APBA1: variants seen among roughly 807,000 people sequenced by gnomAD.
APBA1 encodes the protein amyloid-beta A4 precursor protein-binding family A member 1.
APBA1 carries 55 observed loss-of-function variants against 86.6 expected under a neutral mutation model. The ratio of observed to expected loss-of-function variants is 0.64; its 90% CI spans 0.51 to 0.80. The LOEUF (loss-of-function observed/expected upper bound fraction) is 0.80, where lower values mean the gene tolerates loss of function less well. APBA1 is among the 30% of genes least tolerant of loss of function. APBA1 has a pLI of 0.00. For missense variants in APBA1, 1,090 were observed against 1,183.0 expected, an observed-to-expected ratio of 0.92 and a Z score of 1.15; for synonymous variants, 511 against 493.9, an observed-to-expected ratio of 1.03 and a Z score of -0.46.
intron 1 of APBA1, among the ~76,000 whole-genome samples, chr9:69,656,225 T>C (rs936398837): frequency 6.6e-6 from 1 of 152,228 alleles, no homozygotes; most frequent in African/African-American, 2.4e-5. Flanking sequence ...GCAATATCTC[T>C]AAAGCTAAAT....
intron 1 of APBA1, among the ~76,000 whole-genome samples, chr9:69,576,329 C>A (rs1410554022): frequency 6.6e-6 from 1 of 152,156 alleles, no homozygotes; most frequent in Non-Finnish European, 1.5e-5. Context: ...ACTAGAAATA[C>A]CATTTGACCC....
chr9:69,653,573 C>T (rs1799138631), intron 1 of APBA1, among the ~76,000 whole-genome samples: 1 of 152,148 alleles, frequency 6.6e-6, no homozygotes, highest in African/African-American at 2.4e-5. Flanking sequence ...CAAAACAAAT[C>T]TTAAATTTAA....
chr9:69,605,267 G>GT (rs933503764), intron 1 of APBA1, among the ~76,000 whole-genome samples: 52 of 150,180 alleles, frequency 3.5e-4, no homozygotes, highest in African/African-American at 1.3e-3. Context: ...CTCCTTTACA[G>GT]TAAAAAAAAA....
intron 1 of APBA1, among the ~76,000 whole-genome samples, chr9:69,545,813 G>T (rs1836688801): frequency 6.6e-6 from 1 of 152,032 alleles, no homozygotes; most frequent in Admixed American, 6.5e-5. Context: ...GACTTTGAAT[G>T]CAAAAAGAAA....
At position 69,516,187 on chromosome 9, in the gene APBA1, TCTC is replaced by T; in HGVS notation, c.1021_1023del (p.Glu341del). The T allele has an allele frequency of 1.2e-6, 2 of 1,607,570 alleles. No homozygotes were observed. Among genetic ancestry groups the T allele is most frequent in the Non-Finnish European group, 1.7e-6 (2 of 1,177,248 alleles). On this transcript the variant is annotated inframe_deletion, in exon 2 of 13. Transcript: ENST00000265381. The surrounding 1 kb of genome is among the most constrained non-coding windows in gnomAD (Gnocchi z 7.3). Reference sequence around the variant, plus strand: ...ATGGCCAGCGAGATGGCATCGCGCTTCTCCTTGCTGTACCGCTGCCCCGCCTCG... The same window carrying T: ...ATGGCCAGCGAGATGGCATCGCGCTTCTTGCTGTACCGCTGCCCCGCCTCG...
intron 1 of APBA1, among the ~76,000 whole-genome samples, chr9:69,553,450 TA>T (rs550169080): frequency 1.3e-5 from 2 of 152,228 alleles, no homozygotes; most frequent in Non-Finnish European, 2.9e-5. Flanking sequence ...TTGAACTTCA[TA>T]AAAATCTAAT....
intron 2 of APBA1, among the ~76,000 whole-genome samples, chr9:69,481,768 C>G (rs562107478): frequency 0.078 from 11,685 of 150,560 alleles, 566 homozygotes; most frequent in Admixed American, 0.13. Context: ...GGTACCAAAA[C>G]AGAGATATAG....
chr9:69,666,961 ATGGGTATGGTAT>A (rs1823852736), intron 1 of APBA1, among the ~76,000 whole-genome samples: 2 of 152,194 alleles, frequency 1.3e-5, no homozygotes, highest in South Asian at 2.1e-4. Context: ...AATGCATATG[ATGGGTATGGTAT>A]TGGGCGAGGT....
chr9:69,573,038 T>C (rs1339024016), intron 1 of APBA1, among the ~76,000 whole-genome samples: 2 of 152,310 alleles, frequency 1.3e-5, no homozygotes, highest in East Asian at 3.9e-4. Flanking sequence ...TGTGCACCTG[T>C]ACTCCCAGCT....
At chr9:69,472,122 T>TGTGG in intron 3 of APBA1, among the ~76,000 whole-genome samples, 1 of 152,346 alleles carries the variant, frequency 6.6e-6, no homozygotes, top group Non-Finnish European at 1.5e-5. Flanking sequence ...TTTGCCACAG[T>TGTGG]GATCTCTCAC....
chr9:69,538,262 T>G lies in APBA1; in HGVS notation c.-69-20983A>C, dbSNP rs183815232. Reference sequence around the variant, plus strand: ...ACTTCAAAATGATTTTAATCTACTGTGCTAATTGCACCTAAAATGCCTGCA... The same window carrying G: ...ACTTCAAAATGATTTTAATCTACTGGGCTAATTGCACCTAAAATGCCTGCA... On this transcript the variant is annotated intron_variant, in intron 1 of 12. Coordinates refer to ENST00000265381, the MANE Select transcript of APBA1 (RefSeq NM_001163.4). Among the ~76,000 whole-genome samples the G allele has an allele frequency of 4.9e-3, 752 of 152,332 alleles. 5 individuals carry two copies. The highest frequency in any genetic ancestry group is 7.9e-3 in the Non-Finnish European group (535 of 68,024).
At position 69,431,410 on chromosome 9, in the gene APBA1, G is replaced by A; in HGVS notation, c.2443-12C>T. ...GTCTTCATATGAATCTGAGGGTAAA[G>A]AACACACTTTAGTGGGGGGCTGAGG... On this transcript the variant is annotated splice_polypyrimidine_tract_variant and intron_variant, in intron 12 of 12. Coordinates refer to ENST00000265381, the MANE Select transcript of APBA1 (RefSeq NM_001163.4). 1 of 1,611,952 alleles carries A rather than the reference G, an allele frequency of 6.2e-7. No individual in the cohort carries two copies. The highest frequency in any genetic ancestry group is 8.5e-7 in the Non-Finnish European group (1 of 1,178,946).
At chr9:69,633,108 CTG>C (rs1371060340) in intron 1 of APBA1, among the ~76,000 whole-genome samples, 2 of 144,490 alleles carry the variant, frequency 1.4e-5, no homozygotes, top group African/African-American at 4.9e-5. Flanking sequence ...CCACCAGTAA[CTG>C]TGTCTTTTAT....
intron 1 of APBA1, among the ~76,000 whole-genome samples, chr9:69,627,319 A>G (rs1171908602): frequency 6.6e-6 from 1 of 152,006 alleles, no homozygotes; most frequent in Non-Finnish European, 1.5e-5. Flanking sequence ...TAGGGTTTTT[A>G]TTTCTCCTTC....
chr9:69,520,753 A>G (rs1836238921), intron 1 of APBA1, among the ~76,000 whole-genome samples: 1 of 151,954 alleles, frequency 6.6e-6, no homozygotes, highest in East Asian at 1.9e-4. Flanking sequence ...CCACTGAATC[A>G]TCTCCTTCCC....
intron 1 of APBA1, among the ~76,000 whole-genome samples, chr9:69,662,011 G>A (rs1823761372): frequency 7.8e-6 from 1 of 127,818 alleles, no homozygotes. Context: ...AATGGACTAA[G>A]ACAAACAGTA....
chr9:69,453,845 G>T (rs1265899582), intron 8 of APBA1, among the ~76,000 whole-genome samples: 1 of 152,216 alleles, frequency 6.6e-6, no homozygotes, highest in Non-Finnish European at 1.5e-5. Flanking sequence ...TCAGCCACCT[G>T]ACTTCAAAAA....
At chr9:69,538,750 A>T (rs1039766610) in intron 1 of APBA1, among the ~76,000 whole-genome samples, 1 of 152,216 alleles carries the variant, frequency 6.6e-6, no homozygotes, top group Non-Finnish European at 1.5e-5. Flanking sequence ...GATTCTACTT[A>T]GAGTCCTAGC....
At chr9:69,661,748 T>C (rs1823755837) in intron 1 of APBA1, among the ~76,000 whole-genome samples, 2 of 152,256 alleles carry the variant, frequency 1.3e-5, no homozygotes, top group South Asian at 4.2e-4. Context: ...AAGGATGGAA[T>C]AGTTTCCTAG....
Sources: allele counts gnomAD v4.1 joint callset (sites outside exome capture counted in the v4.1 genomes callset), GRCh38; gene constraint gnomAD v4.1.1; non-coding constraint Gnocchi (gnomAD v3.1); transcripts MANE v1.5; gene names NCBI Gene and HGNC (gene_info 2026-07-23, HGNC 2026-07-21).